PCDH11X: variants seen among roughly 807,000 people sequenced by gnomAD.
The protein encoded by PCDH11X is protocadherin-11 X-linked.
Under a neutral mutation model 53.3 loss-of-function variants are expected in PCDH11X, and 18 were observed. The observed-to-expected ratio is 0.34, with a 90% CI of 0.23 to 0.50. PCDH11X has a LOEUF of 0.50. Ranked by LOEUF, PCDH11X falls within the 20% of genes least tolerant of loss-of-function variation. The probability of loss-of-function intolerance (pLI) is 0.98; values close to 1 mark genes in which losing one functional copy is unlikely to be tolerated. For missense variants in PCDH11X, 570 were observed against 1,032.4 expected (o/e 0.55, Z 6.14); for synonymous variants, 279 against 393.3 (o/e 0.71, Z 3.44).
intron 8 of PCDH11X, among the ~76,000 whole-genome samples, chrX:92,318,725 A>C (rs780855668): frequency 1.8e-5 from 2 of 111,230 alleles, no homozygotes; most frequent in Non-Finnish European, 3.8e-5. Flanking sequence ...CTGTCTTTCT[A>C]ATCATAGGAA....
At chrX:92,266,549 CCT>C (rs980601738) in intron 8 of PCDH11X, among the ~76,000 whole-genome samples, 2 of 111,263 alleles carry the variant, frequency 1.8e-5, no homozygotes, top group African/African-American at 6.5e-5. Context: ...TTTTCTACCC[CCT>C]CTTAAAAAAT....
chrX:92,343,321 A>G (rs747747894), intron 8 of PCDH11X, among the ~76,000 whole-genome samples: 4 of 111,945 alleles, frequency 3.6e-5, no homozygotes, highest in Non-Finnish European at 7.5e-5. Context: ...CTACCATTTT[A>G]AAAATCAACC....
chrX:92,143,349 C>T (rs2065218813), intron 6 of PCDH11X, among the ~76,000 whole-genome samples: 1 of 112,201 alleles, frequency 8.9e-6, no homozygotes, highest in African/African-American at 3.2e-5. Context: ...GCAGCCCCTC[C>T]CATCACAGGC....
chrX:92,353,871 T>C (rs1393043663), intron 8 of PCDH11X, among the ~76,000 whole-genome samples: 2 of 108,439 alleles, frequency 1.8e-5, no homozygotes, highest in Non-Finnish European at 3.8e-5. Flanking sequence ...TTTAACACGG[T>C]ATTAAACATT....
At chrX:91,903,536 T>C (rs1412602733) in intron 6 of PCDH11X, among the ~76,000 whole-genome samples, 1 of 110,696 alleles carries the variant, frequency 9.0e-6, no homozygotes, top group Non-Finnish European at 1.9e-5. Flanking sequence ...ATGCTGGTTT[T>C]AGTTTCTACA....
At chrX:92,259,505 AACTC>A (rs1196638704) in intron 7 of PCDH11X, among the ~76,000 whole-genome samples, 3 of 111,139 alleles carry the variant, frequency 2.7e-5, no homozygotes. Context: ...ATCTCATGAT[AACTC>A]ACTCACTATC....
At chrX:92,292,022 G>T (rs2068504213) in intron 8 of PCDH11X, among the ~76,000 whole-genome samples, 1 of 111,782 alleles carries the variant, frequency 8.9e-6, no homozygotes, top group South Asian at 3.7e-4. Flanking sequence ...GCATCACTTT[G>T]GTTGTTAGCA....
At chrX:91,826,451 T>C (rs1202511677) in intron 4 of PCDH11X, among the ~76,000 whole-genome samples, 4 of 100,760 alleles carry the variant, frequency 4.0e-5, no homozygotes, top group Admixed American at 1.1e-4. Flanking sequence ...ATGGGAAAAA[T>C]ATTTACTTTA....
intron 5 of PCDH11X, among the ~76,000 whole-genome samples, chrX:91,845,316 A>G (rs1320283175): frequency 9.1e-6 from 1 of 109,345 alleles, no homozygotes; most frequent in Non-Finnish European, 1.9e-5. Context: ...GGATGTAAGT[A>G]TTTAACAGAT....
At chrX:92,335,812 G>A (rs972338884) in intron 8 of PCDH11X, among the ~76,000 whole-genome samples, 13 of 111,765 alleles carry the variant, frequency 1.2e-4, no homozygotes, top group African/African-American at 3.6e-4. Flanking sequence ...ATACATGTAC[G>A]TGTGTAGATA....
At chrX:91,807,615 A>C (rs1477512666) in intron 1 of PCDH11X, among the ~76,000 whole-genome samples, 1 of 111,403 alleles carries the variant, frequency 9.0e-6, no homozygotes, top group African/African-American at 3.3e-5. Context: ...ATGTGTTAGC[A>C]AACTGTGTAT....
At chrX:92,390,569 A>G (rs1273907112) in intron 9 of PCDH11X, among the ~76,000 whole-genome samples, 1 of 108,265 alleles carries the variant, frequency 9.2e-6, no homozygotes, top group African/African-American at 3.4e-5. Context: ...AGATGCCAAT[A>G]AACTGTGCAG....
chrX:92,380,442 G>A (rs1008429593), intron 8 of PCDH11X, among the ~76,000 whole-genome samples: 2 of 112,130 alleles, frequency 1.8e-5, no homozygotes, highest in African/African-American at 6.5e-5. Flanking sequence ...AGGCACCATC[G>A]GCCACAGAGG....
chrX:92,146,653 T>C (rs138100402), intron 6 of PCDH11X, among the ~76,000 whole-genome samples: 1,345 of 111,285 alleles, frequency 0.012, 15 homozygotes, highest in African/African-American at 0.041. Context: ...AAATGCTACA[T>C]AGAATTTGAA....
intron 5 of PCDH11X, among the ~76,000 whole-genome samples, chrX:91,843,102 T>A (rs1461500416): frequency 5.6e-5 from 6 of 106,229 alleles, no homozygotes; most frequent in Non-Finnish European, 1.2e-4. Flanking sequence ...AACACATATT[T>A]AATGAGTGCT....
Position 92,201,470 on chromosome X carries a change from C to G in PCDH11X, c.3114+15C>G. Reference sequence around the variant, plus strand: ...CCCAACCACAGGTATGGCAAAAGCCCTATGATTTTTCCTCCCCCTTCCTTT... The same window carrying G: ...CCCAACCACAGGTATGGCAAAAGCCGTATGATTTTTCCTCCCCCTTCCTTT... On this transcript the variant is annotated intron_variant, in intron 7 of 10. Coordinates refer to ENST00000682573, the MANE Select transcript of PCDH11X (RefSeq NM_032968.5). 1 of 1,086,764 alleles carries G rather than the reference C, an allele frequency of 9.2e-7. No homozygotes were observed. The highest frequency in any genetic ancestry group is 1.3e-6 in the Non-Finnish European group (1 of 799,223). 89.6% of individuals were successfully genotyped at this position (1,086,764 alleles called of 1,213,427 possible). A position where few individuals can be genotyped will look rare whatever the true frequency, so the allele number is the denominator to read the frequency against.
At chrX:92,162,579 G>A (rs1418907314) in intron 6 of PCDH11X, among the ~76,000 whole-genome samples, 2 of 109,441 alleles carry the variant, frequency 1.8e-5, no homozygotes, top group Non-Finnish European at 3.8e-5. Flanking sequence ...TCCTGAGAGC[G>A]GAACTCTAAT....
chrX:92,188,576 C>A (rs1045177498), intron 6 of PCDH11X, among the ~76,000 whole-genome samples: 20 of 111,513 alleles, frequency 1.8e-4, no homozygotes, highest in African/African-American at 6.2e-4. Flanking sequence ...GAAAGTAGAG[C>A]ATATTGCATA....
At chrX:91,888,379 A>C (rs190081896) in intron 6 of PCDH11X, among the ~76,000 whole-genome samples, 1 of 112,185 alleles carries the variant, frequency 8.9e-6, no homozygotes, top group Admixed American at 9.5e-5. Context: ...GGCCAGGCGC[A>C]GTAACTCTCA....
Sources: allele counts gnomAD v4.1 joint callset (sites outside exome capture counted in the v4.1 genomes callset), GRCh38; gene constraint gnomAD v4.1.1; transcripts MANE v1.5; gene names NCBI Gene and HGNC (gene_info 2026-07-23, HGNC 2026-07-21).